Variants in PRDX1 observed in about 807,000 individuals in gnomAD.
PRDX1 encodes peroxiredoxin 1.
Under a neutral mutation model 20.7 loss-of-function variants are expected in PRDX1, and 19 were observed. The ratio of observed to expected loss-of-function variants is 0.92; its 90% CI spans 0.64 to 1.35. The LOEUF (loss-of-function observed/expected upper bound fraction) is 1.35. PRDX1 is among the 40% of genes most tolerant of loss of function. PRDX1 has a pLI of 0.00. For synonymous variants in PRDX1, 89 were observed against 83.9 expected, an observed-to-expected ratio of 1.06 and a Z score of -0.33; for missense variants, 226 against 240.0, an observed-to-expected ratio of 0.94 and a Z score of 0.38.
At chr1:45,515,828 ATGG>A (rs1460505880) in intron 2 of PRDX1, 21 bp from the exon 3 acceptor site, 2 of 1,540,694 alleles carry the variant, frequency 1.3e-6, no homozygotes, top group Non-Finnish European at 1.7e-6. Flanking sequence ...AATCGGAGTC[ATGG>A]TTAGCATTTG....
intron 1 of PRDX1, among the ~76,000 whole-genome samples, chr1:45,520,888 A>G (rs1421584128): frequency 1.3e-5 from 2 of 151,308 alleles, no homozygotes; most frequent in East Asian, 3.9e-4. Flanking sequence ...TGGCCGACAG[A>G]GCGAGACTCT....
chr1:45,515,827 C>T lies in PRDX1; in HGVS notation c.107-20G>A. 1.3e-6 allele frequency: 2 copies of T among 1,540,164 alleles called. No individual in the cohort carries two copies. The highest frequency in any genetic ancestry group is 2.4e-5 in the East Asian group (1 of 41,664). On this transcript the variant is annotated intron_variant, in intron 2 of 5. Coordinates refer to ENST00000319248, the MANE Select transcript of PRDX1 (RefSeq NM_181697.3). ...ATTTTCCTGGGGGGAAAATCGGAGT[C>T]ATGGTTAGCATTTGACACAGACTTC...
At chr1:45,511,678 A>C (rs1043236307) in intron 5 of PRDX1, 4 of 323,778 alleles carry the variant, frequency 1.2e-5, no homozygotes, top group African/African-American at 8.6e-5. Flanking sequence ...GGCAAAGTTT[A>C]AATAATTTGC....
chr1:45,520,610 G>A (rs552831622), intron 1 of PRDX1, among the ~76,000 whole-genome samples: 97 of 150,876 alleles, frequency 6.4e-4, no homozygotes, highest in African/African-American at 2.2e-3. Flanking sequence ...TGCAGTCCCA[G>A]CTACTCGGGA....
At position 45,515,666 on chromosome 1, in the gene PRDX1, C is replaced by T. The variant is rs1314253725; in HGVS notation, c.248G>A (p.Cys83Tyr). 1.9e-6 allele frequency: 3 copies of T among 1,568,382 alleles called. No homozygotes were observed. Among genetic ancestry groups the T allele is most frequent in the Non-Finnish European group, 2.6e-6 (3 of 1,158,618 alleles). The change falls in exon 3 of 6, where the codon TGT becomes TAT. Residue 83 changes from cysteine (C) to tyrosine (Y), a missense_variant. Cys to Tyr is a radical substitution (Grantham distance 194, BLOSUM62 -2). Coordinates refer to ENST00000319248, the MANE Select transcript of PRDX1 (RefSeq NM_181697.3). Reference sequence around the variant, plus strand: ...CCAAGAGATTTACCATGCTAGATGACAGAAGTGAGAATCCACAGAAGCACC... The same window carrying T: ...CCAAGAGATTTACCATGCTAGATGATAGAAGTGAGAATCCACAGAAGCACC... ...VIGASVDSHF[C>Y]HLAWVNTPKK...
chr1:45,518,757 C>T (rs1198620098), intron 2 of PRDX1, among the ~76,000 whole-genome samples, 181 bp downstream of exon 2: 3 of 152,212 alleles, frequency 2.0e-5, no homozygotes, highest in Admixed American at 6.5e-5. Flanking sequence ...TGGTTTGGTC[C>T]TAGGATATAT....
rs763317201 is a variant in PRDX1, at chr1:45,514,486, G to T, written c.514+21C>A. 2.5e-6 allele frequency: 4 copies of T among 1,613,720 alleles called. No individual in the cohort carries two copies. The Admixed American group carries it at 6.7e-5, about 27-fold the overall frequency. ...CTTCATACCACCACTCTGTTGTCCT[G>T]TTATCAGACAGATGGCTTACCTTCC... On this transcript the variant is annotated intron_variant, in intron 5 of 5. Coordinates refer to ENST00000319248, the MANE Select transcript of PRDX1 (RefSeq NM_181697.3).
chr1:45,514,977 T>C lies in PRDX1; in HGVS notation c.279A>G (p.Lys93=). 1 of 1,614,242 alleles carries C rather than the reference T, an allele frequency of 6.2e-7. No individual in the cohort carries two copies. The highest frequency in any genetic ancestry group is 2.2e-5 in the East Asian group (1 of 44,886). ...CHLAWVNTPK[K]QGGLGPMNIP... is the part of the protein sequence containing the mutation. ...TGTTCATGGGTCCCAGTCCTCCTTG[T>C]TTCTTAGGTGTATTGACCCTATGGC... The change falls in exon 4 of 6, where the codon AAA becomes AAG. Residue 93 remains lysine, a synonymous_variant. Transcript: ENST00000319248.
intron 5 of PRDX1, chr1:45,512,965 C>T (rs923268070): frequency 1.3e-5 from 2 of 152,140 alleles, no homozygotes; most frequent in African/African-American, 4.8e-5. Context: ...AAACATACAC[C>T]ACTAATCCAG....
chr1:45,514,978 T>A lies in PRDX1; in HGVS notation c.278A>T (p.Lys93Ile). 6.2e-7 allele frequency: 1 copy of A among 1,614,254 alleles called. No homozygotes were observed. The highest frequency in any genetic ancestry group is 8.5e-7 in the Non-Finnish European group (1 of 1,180,034). ...GTTCATGGGTCCCAGTCCTCCTTGT[T>A]TCTTAGGTGTATTGACCCTATGGCA... ...CHLAWVNTPK[K>I]QGGLGPMNIP... The change falls in exon 4 of 6, where the codon AAA becomes ATA. Residue 93 changes from lysine to isoleucine, a missense_variant. Coordinates refer to ENST00000319248, the MANE Select transcript of PRDX1 (RefSeq NM_181697.3).
chr1:45,511,558 T>C lies in PRDX1; in HGVS notation c.515-144A>G, dbSNP rs952917667. 1.5e-5 allele frequency: 8 copies of C among 516,168 alleles called. No homozygotes were observed. The South Asian group carries it at 1.8e-4, about 12-fold the overall frequency. The allele number at this position is 516,168 out of a possible 1,614,324, so 32.0% of individuals were successfully genotyped here. On this transcript the variant is annotated intron_variant, in intron 5 of 5. Coordinates refer to ENST00000319248, the MANE Select transcript of PRDX1 (RefSeq NM_181697.3). ...ATCAGTCTTAGATCATTCACCCTTT[T>C]AGTATGAGCTAACCATTTTACAAAC...
At chr1:45,519,641 G>A (rs1431030100) in intron 1 of PRDX1, among the ~76,000 whole-genome samples, 2 of 152,130 alleles carry the variant, frequency 1.3e-5, no homozygotes, top group Admixed American at 1.3e-4. Flanking sequence ...TGGGGCCCAG[G>A]CTGGAATGCA....
upstream of PRDX1, chr1:45,522,103 G>C (rs996728283): frequency 6.6e-6 from 1 of 152,202 alleles, no homozygotes. Context: ...GGAGTGAGGC[G>C]CCCTTGTGGC....
At chr1:45,517,416 C>T (rs969493865) in intron 2 of PRDX1, among the ~76,000 whole-genome samples, 3 of 152,128 alleles carry the variant, frequency 2.0e-5, no homozygotes, top group Non-Finnish European at 4.4e-5. Context: ...CCCAGGAGAT[C>T]GAGCTGCTCT....
intron 1 of PRDX1, among the ~76,000 whole-genome samples, chr1:45,521,237 G>A (rs1643910327): frequency 6.6e-6 from 1 of 152,120 alleles, no homozygotes; most frequent in African/African-American, 2.4e-5. Flanking sequence ...CAGCGTAGAG[G>A]GCCACATCCC....
In PRDX1 at chr1:45,511,080, A is replaced by C. The variant is rs1255823715; in HGVS notation, c.*249T>G. 1 of 344,970 alleles carries C rather than the reference A, an allele frequency of 2.9e-6. No individual in the cohort carries two copies. The highest frequency in any genetic ancestry group is 1.2e-4 in the South Asian group (1 of 8,418). The allele number at this position is 344,970 out of a possible 1,614,324, so 21.4% of individuals were successfully genotyped here. A position where few individuals can be genotyped will look rare whatever the true frequency, so the allele number is the denominator to read the frequency against. On this transcript the variant is annotated 3_prime_UTR_variant, in exon 6 of 6. Transcript: ENST00000319248. ...AGTTCAAGTTTAATACAAACTACAAAAGATTAATGGGTTGCTCTACTAATA... is the reference window on the plus strand; with the variant it reads ...AGTTCAAGTTTAATACAAACTACAACAGATTAATGGGTTGCTCTACTAATA...
chr1:45,514,775 A>G, intron 4 of PRDX1, 98 bp downstream of exon 4: 1 of 1,573,540 alleles, frequency 6.4e-7, no homozygotes, highest in South Asian at 1.2e-5. Context: ...GCCCCTGCAT[A>G]AAGGAATGAA....
chr1:45,520,224 A>AAAAAAAAAAG (rs1168738391), intron 1 of PRDX1, among the ~76,000 whole-genome samples: 143 of 147,880 alleles, frequency 9.7e-4, no homozygotes, highest in Non-Finnish European at 1.7e-3. Context: ...AAAAAAAAAA[A>AAAAAAAAAAG]AGAGGCAAGA....
Position 45,515,808 on chromosome 1 carries a change from C to A in PRDX1, c.107-1G>T. Reference sequence around the variant, plus strand: ...TAAAAGAAGAACACAACATATTTTCCTGGGGGGAAAATCGGAGTCATGGTT... The same window carrying A: ...TAAAAGAAGAACACAACATATTTTCATGGGGGGAAAATCGGAGTCATGGTT... On this transcript the variant is annotated splice_acceptor_variant, in intron 2 of 5. Coordinates refer to ENST00000319248, the MANE Select transcript of PRDX1 (RefSeq NM_181697.3). LOFTEE classifies it high-confidence loss of function. 1 of 1,551,122 alleles carries A rather than the reference C, an allele frequency of 6.4e-7. No homozygotes were observed.
Sources: allele counts gnomAD v4.1 joint callset (sites outside exome capture counted in the v4.1 genomes callset), GRCh38; gene constraint gnomAD v4.1.1; transcripts MANE v1.5; gene names NCBI Gene and HGNC (gene_info 2026-07-23, HGNC 2026-07-21).